Variants in B3GALT1 observed in about 807,000 individuals in gnomAD.
B3GALT1 encodes UDP-Gal:betaGlcNAc beta 1,3-galactosyltransferase, polypeptide 1.
Under a neutral mutation model 23.2 loss-of-function variants are expected in B3GALT1, and 10 were observed. That is an observed-to-expected ratio of 0.43 (90% CI 0.27 to 0.73). The LOEUF (loss-of-function observed/expected upper bound fraction) is 0.73, where lower values mean the gene tolerates loss of function less well. Among genes scored for constraint, B3GALT1 ranks in the 30% least tolerant of loss-of-function variants. B3GALT1 has a pLI of 0.21. For synonymous variants in B3GALT1, 156 were observed against 141.5 expected (o/e 1.10, Z -0.73); for missense variants, 299 against 405.4 (o/e 0.74, Z 2.25).
intron 2 of B3GALT1, among the ~76,000 whole-genome samples, chr2:167,596,773 T>C (rs981340129): frequency 1.3e-5 from 2 of 152,226 alleles, no homozygotes; most frequent in Non-Finnish European, 2.9e-5. Flanking sequence ...GAAACGTAGA[T>C]GGCACATTTA....
At chr2:167,308,763 A>G (rs747301769) in intron 1 of B3GALT1, among the ~76,000 whole-genome samples, 6 of 152,054 alleles carry the variant, frequency 3.9e-5, no homozygotes, top group Non-Finnish European at 8.8e-5. Flanking sequence ...TCTTTAAATC[A>G]GATCGGATAT....
intron 2 of B3GALT1, among the ~76,000 whole-genome samples, chr2:167,638,541 C>T (rs1204650179): frequency 6.6e-6 from 1 of 152,016 alleles, no homozygotes; most frequent in East Asian, 1.9e-4. Flanking sequence ...AGAACACATA[C>T]TCCAGTGACT....
intron 1 of B3GALT1, among the ~76,000 whole-genome samples, chr2:167,311,355 A>C (rs1182056331): frequency 6.6e-6 from 1 of 152,126 alleles, no homozygotes; most frequent in East Asian, 1.9e-4. Context: ...AACTAGGGAA[A>C]ATGAGATCAT....
intron 1 of B3GALT1, among the ~76,000 whole-genome samples, chr2:167,374,921 G>T (rs2689832): frequency 0.79 from 120,061 of 151,982 alleles, 49,902 homozygotes; most frequent in East Asian, 0.92. Context: ...TTTCCTCAAG[G>T]CCAATGTCTA....
intron 2 of B3GALT1, among the ~76,000 whole-genome samples, chr2:167,599,539 G>A (rs925098975): frequency 5.3e-5 from 8 of 152,190 alleles, no homozygotes; most frequent in African/African-American, 1.4e-4. Context: ...AGTTTTTCAT[G>A]ATGCATGTGT....
At chr2:167,851,607 C>T (rs1689893293) in intron 4 of B3GALT1, among the ~76,000 whole-genome samples, 1 of 152,182 alleles carries the variant, frequency 6.6e-6, no homozygotes, top group Admixed American at 6.5e-5. Flanking sequence ...ACCTCACTAC[C>T]CAAAATAATA....
At chr2:167,806,543 G>C (rs1327212343) in intron 3 of B3GALT1, among the ~76,000 whole-genome samples, 1 of 152,148 alleles carries the variant, frequency 6.6e-6, no homozygotes, top group Non-Finnish European at 1.5e-5. Flanking sequence ...GTTGAATTTT[G>C]TCAAAGGCCT....
At chr2:167,584,374 A>T (rs1416474481) in intron 2 of B3GALT1, among the ~76,000 whole-genome samples, 1 of 152,180 alleles carries the variant, frequency 6.6e-6, no homozygotes, top group Non-Finnish European at 1.5e-5. Context: ...AGTTTTTCCC[A>T]CTATGCTCTG....
At chr2:167,440,501 A>T (rs1453799518) in intron 1 of B3GALT1, among the ~76,000 whole-genome samples, 2 of 152,006 alleles carry the variant, frequency 1.3e-5, no homozygotes, top group African/African-American at 4.8e-5. Flanking sequence ...CCTTATAGAG[A>T]TTGTACTATG....
At chr2:167,634,531 C>G (rs1685514085) in intron 2 of B3GALT1, among the ~76,000 whole-genome samples, 1 of 151,924 alleles carries the variant, frequency 6.6e-6, no homozygotes, top group Admixed American at 6.6e-5. Context: ...ACAACTGATC[C>G]CACAGAAATA....
At chr2:167,810,841 A>G (rs1041409784) in intron 3 of B3GALT1, among the ~76,000 whole-genome samples, 3 of 152,150 alleles carry the variant, frequency 2.0e-5, no homozygotes, top group Admixed American at 6.5e-5. Context: ...TTTTCCTCCT[A>G]TCTGTCCTGT....
intron 1 of B3GALT1, among the ~76,000 whole-genome samples, chr2:167,331,836 T>C (rs1352053948): frequency 2.0e-5 from 3 of 152,038 alleles, no homozygotes; most frequent in Non-Finnish European, 4.4e-5. Flanking sequence ...GAAGGCAGAG[T>C]TGCTTTCCCT....
intron 1 of B3GALT1, among the ~76,000 whole-genome samples, chr2:167,405,531 T>A (rs1335508209): frequency 6.6e-6 from 1 of 152,096 alleles, no homozygotes; most frequent in Admixed American, 6.6e-5. Flanking sequence ...ATATTATTTC[T>A]TATAAGGAGA....
chr2:167,447,266 G>T (rs1434270083), intron 1 of B3GALT1, among the ~76,000 whole-genome samples: 2 of 152,174 alleles, frequency 1.3e-5, no homozygotes, highest in Non-Finnish European at 1.5e-5. Context: ...GTGTCAGTCG[G>T]CCCCTACTGG....
rs145556140 is a variant in B3GALT1, at chr2:167,681,742, G to T, written c.-352+34776G>T. Among the ~76,000 whole-genome samples the T allele has an allele frequency of 3.9e-5, 6 of 152,280 alleles. No homozygotes were observed. The East Asian group carries it at 9.7e-4, about 25-fold the overall frequency. ...AACCCATATATGTAGGGCCTATTATGTGCAAGTCACTGTAGCAACATAAGA... is the reference window on the plus strand; with the variant it reads ...AACCCATATATGTAGGGCCTATTATTTGCAAGTCACTGTAGCAACATAAGA... On this transcript the variant is annotated intron_variant, in intron 3 of 4. Transcript: ENST00000392690.
At chr2:167,840,735 ATTGCGGCAC>A (rs1689626892) in intron 4 of B3GALT1, among the ~76,000 whole-genome samples, 1 of 151,282 alleles carries the variant, frequency 6.6e-6, no homozygotes, top group African/African-American at 2.4e-5. Context: ...ATGTATGTTT[ATTGCGGCAC>A]TATTCACAAT....
Position 167,317,437 on chromosome 2 carries a change from A to G in B3GALT1, c.-511+24103A>G, listed in dbSNP as rs533917335. 3.3e-5 allele frequency among the ~76,000 whole-genome samples: 5 copies of G among 152,160 alleles called. No individual in the cohort carries two copies. The East Asian group carries it at 9.7e-4, about 29-fold the overall frequency. On this transcript the variant is annotated intron_variant, in intron 1 of 4. Coordinates refer to ENST00000392690, the MANE Select transcript of B3GALT1 (RefSeq NM_020981.4). ...GCCCAGTCACATTGTTCCTGGAGGTAATTTCCGAAAACACTTAAAAACATG... is the reference window on the plus strand; with the variant it reads ...GCCCAGTCACATTGTTCCTGGAGGTGATTTCCGAAAACACTTAAAAACATG...
intron 1 of B3GALT1, among the ~76,000 whole-genome samples, chr2:167,449,406 G>C (rs1332666275): frequency 6.6e-6 from 1 of 152,008 alleles, no homozygotes; most frequent in Non-Finnish European, 1.5e-5. Flanking sequence ...GGTCACTGTT[G>C]GTGTATAATG....
intron 1 of B3GALT1, among the ~76,000 whole-genome samples, chr2:167,383,406 G>C (rs938905334): frequency 2.0e-5 from 3 of 152,098 alleles, no homozygotes; most frequent in Admixed American, 6.5e-5. Flanking sequence ...AGTAGGCCTT[G>C]ACTGTTCCCA....
Sources: gnomAD v4.1 joint callset for allele counts (sites outside exome capture counted in the v4.1 genomes callset) on GRCh38, gnomAD v4.1.1 for gene constraint, MANE v1.5 for transcripts, NCBI Gene and HGNC (gene_info 2026-07-23, HGNC 2026-07-21) for gene names.